Variants in TLL1 observed in about 807,000 individuals in gnomAD.
TLL1 encodes tolloid-like protein 1.
In TLL1, 49 loss-of-function variants were observed where a neutral mutation model predicts 128.2. The observed-to-expected ratio is 0.38, with a 90% CI of 0.30 to 0.48. The LOEUF (loss-of-function observed/expected upper bound fraction) is 0.48. Among genes scored for constraint, TLL1 ranks in the 20% least tolerant of loss-of-function variants. The probability of loss-of-function intolerance (pLI) is 0.96; values close to 1 mark genes in which losing one functional copy is unlikely to be tolerated. For missense variants in TLL1, 1,123 were observed against 1,242.0 expected (o/e 0.90, Z 1.44); for synonymous variants, 454 against 418.8 (o/e 1.08, Z -1.03).
intron 1 of TLL1, among the ~76,000 whole-genome samples, chr4:165,931,050 T>A (rs1402945040): frequency 6.6e-6 from 1 of 152,216 alleles, no homozygotes; most frequent in Non-Finnish European, 1.5e-5. Context: ...AGTAGGATAA[T>A]TGTTACCTCT....
At chr4:165,874,101 G>A in intron 1 of TLL1, 28 bp downstream of exon 1, 1 of 1,613,718 alleles carries the variant, frequency 6.2e-7, no homozygotes, top group Non-Finnish European at 8.5e-7. Context: ...TTGGGACGGT[G>A]GCGCGCCGGG....
chr4:166,055,179 A>C lies in TLL1; in HGVS notation c.1628A>C (p.Glu543Ala), dbSNP rs1336231191. The C allele has an allele frequency of 1.2e-6, 2 of 1,613,736 alleles. No homozygotes were observed. The highest frequency in any genetic ancestry group is 1.7e-6 in the Non-Finnish European group (2 of 1,179,800). Residue 543 changes from glutamate to alanine, a missense_variant, in exon 13 of 21, where the codon GAA (glutamate) becomes GCA (alanine). Glu to Ala is a moderately radical substitution (Grantham distance 107). Transcript: ENST00000061240. ...IGRFCGYDKP[E>A]DIRSTSNTLW... ...CGTTTCTGTGGTTATGACAAACCTG[A>C]AGACATAAGATCTACCTCCAATACT...
intron 5 of TLL1, among the ~76,000 whole-genome samples, chr4:165,995,498 AG>A (rs1736836529): frequency 6.6e-6 from 1 of 152,212 alleles, no homozygotes; most frequent in African/African-American, 2.4e-5. Context: ...AAAATAGTGC[AG>A]TAAGTTTTTA....
intron 15 of TLL1, among the ~76,000 whole-genome samples, chr4:166,062,391 C>T (rs58166107): frequency 5.3e-5 from 8 of 152,266 alleles, no homozygotes; most frequent in Admixed American, 3.3e-4. Context: ...TCTTTTATTT[C>T]GTTGATCAGT....
chr4:166,038,038 G>T (rs2111087786), intron 9 of TLL1, among the ~76,000 whole-genome samples: 1 of 152,106 alleles, frequency 6.6e-6, no homozygotes, highest in Non-Finnish European at 1.5e-5. Context: ...GTGTCATTTG[G>T]GAAAGAAGTA....
At chr4:165,973,525 G>T in intron 1 of TLL1, among the ~76,000 whole-genome samples, 1 of 151,808 alleles carries the variant, frequency 6.6e-6, no homozygotes, top group Non-Finnish European at 1.5e-5. Flanking sequence ...ATTCTGCTTG[G>T]GTTATGTTGT....
chr4:166,082,581 T>G (rs1201760220), intron 18 of TLL1, among the ~76,000 whole-genome samples: 1 of 152,158 alleles, frequency 6.6e-6, no homozygotes, highest in Non-Finnish European at 1.5e-5. Flanking sequence ...ACTTTGACAT[T>G]TATAATACAG....
chr4:166,057,056 C>G (rs568338924), intron 13 of TLL1, 128 bp from the exon 14 acceptor site: 10 of 1,046,074 alleles, frequency 9.6e-6, no homozygotes, highest in Non-Finnish European at 1.5e-5. Flanking sequence ...AGGTCCCTCT[C>G]ATGACACGTG....
chr4:165,998,065 G>C (rs1736965130), intron 5 of TLL1, among the ~76,000 whole-genome samples: 2 of 152,150 alleles, frequency 1.3e-5, no homozygotes, highest in African/African-American at 4.8e-5. Flanking sequence ...GGTAAGAGAG[G>C]AGGTTCTCTA....
intron 9 of TLL1, among the ~76,000 whole-genome samples, chr4:166,036,789 C>CTGTGTGTGTG (rs3047083): frequency 6.5e-4 from 94 of 145,222 alleles, no homozygotes; most frequent in Middle Eastern, 7.0e-3. Flanking sequence ...CCCTATCCAA[C>CTGTGTGTGTG]TGTGTGTGTG....
chr4:165,943,648 T>C (rs1734118989), intron 1 of TLL1, among the ~76,000 whole-genome samples: 1 of 151,810 alleles, frequency 6.6e-6, no homozygotes, highest in African/African-American at 2.4e-5. Flanking sequence ...ATCGTCTTCC[T>C]AAGCCACATT....
chr4:165,879,063 A>G (rs4552422), intron 1 of TLL1, among the ~76,000 whole-genome samples: 84,820 of 150,846 alleles, frequency 0.56, 25,238 homozygotes, highest in East Asian at 0.87. Flanking sequence ...TGTAGCAGCT[A>G]GGACTACAGG....
chr4:166,101,683 A>G lies in TLL1; in HGVS notation c.*807A>G, dbSNP rs548978587. On this transcript the variant is annotated 3_prime_UTR_variant, in exon 21 of 21. Transcript: ENST00000061240. ...AAGCCTGTGATGTCTTATGAACCTT[A>G]TGAGAAAACTCCGAAGAGGTGTGAG... 1 of 152,466 alleles carries G rather than the reference A, an allele frequency of 6.6e-6. No homozygotes were observed. Among genetic ancestry groups the G allele is most frequent in the African/African-American group, 2.4e-5 (1 of 41,438 alleles). The allele number at this position is 152,466 out of a possible 1,614,324, so 9.4% of individuals were successfully genotyped here.
rs763287175 is a variant in TLL1 at position 166,025,362 on chromosome 4, A to G, written c.1089A>G (p.Pro363=). The G allele has an allele frequency of 2.5e-6, 4 of 1,613,992 alleles. No individual in the cohort carries two copies. In the South Asian group the frequency reaches 3.3e-5, roughly 13 times the overall value. Residue 363 remains proline, a synonymous_variant, in exon 9 of 21, where the codon CCA becomes CCG. Coordinates refer to ENST00000061240, the MANE Select transcript of TLL1 (RefSeq NM_012464.5). The stretch of plus-strand genomic sequence containing the variant: ...AATCCAATGGCAACCTTTCCTCTCC[A>G]GGATTTCCCAATGGCTACCCTTCTT... ...LQESNGNLSS[P]GFPNGYPSYT...
At chr4:165,942,212 A>T (rs942676554) in intron 1 of TLL1, among the ~76,000 whole-genome samples, 4 of 151,638 alleles carry the variant, frequency 2.6e-5, no homozygotes, top group Admixed American at 2.6e-4. Flanking sequence ...GGAATAAGTG[A>T]GCCATTTTAT....
In TLL1 at chr4:166,055,145, T is replaced by G. The variant is rs771798057; in HGVS notation, c.1594T>G (p.Leu532Val). The change falls in exon 13 of 21, where the codon TTG (leucine) becomes GTG (valine). Residue 532 changes from leucine to valine, a missense_variant. By Grantham distance (32) the Leu-to-Val change is conservative (BLOSUM62 1). This residue lies in a region of TLL1 where 634 missense variants were observed against 672.4 expected (regional missense o/e 0.94). Transcript: ENST00000061240. ...VRDGTSENSP[L>V]IGRFCGYDKP... ...AGATGGAACCAGTGAAAATAGCCCT[T>G]TGATAGGGCGTTTCTGTGGTTATGA... 21 of 1,613,492 alleles carry G rather than the reference T, an allele frequency of 1.3e-5. No homozygotes were observed. In the South Asian group the frequency reaches 2.2e-4, roughly 17 times the overall value.
chr4:165,909,209 A>G (rs1732413107), intron 1 of TLL1, among the ~76,000 whole-genome samples: 1 of 150,774 alleles, frequency 6.6e-6, no homozygotes, highest in African/African-American at 2.4e-5. Context: ...AAAAGAAAAG[A>G]ACGGCTCCAA....
intron 1 of TLL1, among the ~76,000 whole-genome samples, chr4:165,907,889 A>G (rs994054820): frequency 1.3e-5 from 2 of 152,160 alleles, no homozygotes; most frequent in Admixed American, 1.3e-4. Flanking sequence ...CAGCATTCTA[A>G]TATTGAAATA....
At chr4:166,099,206 T>C in intron 19 of TLL1, 71 bp from the exon 20 acceptor site, 1 of 1,606,138 alleles carries the variant, frequency 6.2e-7, no homozygotes, top group Admixed American at 1.7e-5. Context: ...ACACTGAAAC[T>C]ACACTGAAAT....
Sources: gnomAD v4.1 joint callset for allele counts (sites outside exome capture counted in the v4.1 genomes callset) on GRCh38, gnomAD v4.1.1 for gene constraint, gnomAD v4.1.1 regional missense constraint, MANE v1.5 for transcripts, NCBI Gene and HGNC (gene_info 2026-07-23, HGNC 2026-07-21) for gene names.